The following GRK5 variants were observed in gnomAD, a reference collection of about 807,000 sequenced individuals.
The protein encoded by GRK5 is g protein-coupled receptor kinase GRK5.
Under a neutral mutation model 78.4 loss-of-function variants are expected in GRK5, and 40 were observed. The observed-to-expected ratio is 0.51, with a 90% CI of 0.40 to 0.66. The LOEUF is 0.66. GRK5 is among the 30% of genes least tolerant of loss of function. The probability of loss-of-function intolerance (pLI) is 0.00; values close to 1 mark genes in which losing one functional copy is unlikely to be tolerated. For missense variants in GRK5, 598 were observed against 759.9 expected (o/e 0.79, Z 2.50); for synonymous variants, 289 against 296.8 (o/e 0.97, Z 0.27).
At chr10:119,338,890 T>C (rs532501945) in intron 2 of GRK5, among the ~76,000 whole-genome samples, 1 of 152,308 alleles carries the variant, frequency 6.6e-6, no homozygotes, top group South Asian at 2.1e-4. Context: ...ACTATTTGGG[T>C]TTTTTCCACC....
At chr10:119,428,106 C>A (rs571908124) in intron 6 of GRK5, among the ~76,000 whole-genome samples, 63 of 152,370 alleles carry the variant, frequency 4.1e-4, no homozygotes, top group African/African-American at 1.4e-3. Context: ...GAGCTGTGTT[C>A]GCCATGCCCA....
intron 2 of GRK5, chr10:119,333,881 T>C (rs773884450): frequency 1.9e-6 from 1 of 528,482 alleles, no homozygotes; most frequent in Non-Finnish European, 3.9e-6. Context: ...ATGGAGCAGG[T>C]TGCTGAGCTG....
chr10:119,408,644 G>T (rs1352220229), intron 4 of GRK5, among the ~76,000 whole-genome samples: 1 of 152,160 alleles, frequency 6.6e-6, no homozygotes, highest in African/African-American at 2.4e-5. Context: ...ATCTAGAATA[G>T]ACAAATCCAT....
At chr10:119,322,437 G>A (rs1370874328) in intron 1 of GRK5, among the ~76,000 whole-genome samples, 1 of 152,230 alleles carries the variant, frequency 6.6e-6, no homozygotes, top group Non-Finnish European at 1.5e-5. Context: ...CGTCGCTGGG[G>A]TTGGGAACCA....
At chr10:119,420,049 C>T (rs1182288729) in intron 4 of GRK5, among the ~76,000 whole-genome samples, 1 of 152,178 alleles carries the variant, frequency 6.6e-6, no homozygotes, top group Non-Finnish European at 1.5e-5. Context: ...TCATTAGACA[C>T]CCAACCTAGG....
intron 6 of GRK5, among the ~76,000 whole-genome samples, chr10:119,428,154 C>G (rs556237931): frequency 6.6e-6 from 1 of 152,374 alleles, no homozygotes; most frequent in East Asian, 1.9e-4. Flanking sequence ...CAACACACAA[C>G]CCCAATCTGT....
In GRK5 at chr10:119,431,274, G is replaced by A. The variant is rs563573679; in HGVS notation, c.598-113G>A. The A allele has an allele frequency of 1.9e-4, 240 of 1,266,878 alleles. No homozygotes were observed. The highest frequency in any genetic ancestry group is 2.2e-4 in the Non-Finnish European group (202 of 930,098). The allele number at this position is 1,266,878 out of a possible 1,614,324, so 78.5% of individuals were successfully genotyped here. ...AGCACTCATGAAGCCAGGCAGGGCC[G>A]GCTCTGACCCCATCCATTCTCTACC... On this transcript the variant is annotated intron_variant, in intron 7 of 15. Transcript: ENST00000392870. This position sits in a 1 kb window ranked among gnomAD's most constrained non-coding sequence, Gnocchi z 4.8.
chr10:119,252,148 G>T (rs1849214821), intron 1 of GRK5, among the ~76,000 whole-genome samples: 1 of 152,202 alleles, frequency 6.6e-6, no homozygotes. Flanking sequence ...GGGCAGCTGT[G>T]TGAGTAGCAG....
chr10:119,223,456 G>T (rs1848688403), intron 1 of GRK5, among the ~76,000 whole-genome samples: 1 of 152,094 alleles, frequency 6.6e-6, no homozygotes, highest in African/African-American at 2.4e-5. Context: ...AAAACAGGAG[G>T]TTCTGAGGAT....
rs1852372033 is a variant in GRK5, at chr10:119,412,834, C to G, written c.340-10332C>G. ...CCAGGGTTTAGGGTTGGAACAGCCC[C>G]CATTCGCCCCACCACCCTCTGCTTT... On this transcript the variant is annotated intron_variant, in intron 4 of 15. Transcript: ENST00000392870. The surrounding 1 kb of genome is among the most constrained non-coding windows in gnomAD (Gnocchi z 4.3). Among the ~76,000 whole-genome samples the G allele has an allele frequency of 6.6e-6, 1 of 152,138 alleles. No homozygotes were observed. The highest frequency in any genetic ancestry group is 2.4e-5 in the African/African-American group (1 of 41,424).
chr10:119,329,549 G>T (rs1850732406), intron 2 of GRK5, among the ~76,000 whole-genome samples: 1 of 152,106 alleles, frequency 6.6e-6, no homozygotes, highest in Non-Finnish European at 1.5e-5. Flanking sequence ...TGACCAACAT[G>T]GAGAAGCCCC....
At chr10:119,422,551 T>C (rs1038320322) in intron 4 of GRK5, among the ~76,000 whole-genome samples, 1 of 152,202 alleles carries the variant, frequency 6.6e-6, no homozygotes, top group African/African-American at 2.4e-5. Flanking sequence ...TCCGGGGCTA[T>C]AGCTCCCCTC....
intron 1 of GRK5, among the ~76,000 whole-genome samples, chr10:119,277,428 C>T (rs1483583850): frequency 1.3e-5 from 2 of 152,150 alleles, no homozygotes; most frequent in Non-Finnish European, 2.9e-5. Flanking sequence ...TCTCTGCATG[C>T]ATTCTGTACC....
chr10:119,330,003 C>T (rs1364916643), intron 2 of GRK5, among the ~76,000 whole-genome samples: 2 of 151,432 alleles, frequency 1.3e-5, no homozygotes, highest in Non-Finnish European at 2.9e-5. Flanking sequence ...GCTGGGATTA[C>T]AGGTACCTGC....
chr10:119,412,142 C>T lies in GRK5; in HGVS notation c.340-11024C>T, dbSNP rs904324682. Reference sequence around the variant, plus strand: ...CTGGGATTCCAGGCGTGAGCCACTGCGCCCGGCCTCAGATCCGCTTCTGAT... The same window carrying T: ...CTGGGATTCCAGGCGTGAGCCACTGTGCCCGGCCTCAGATCCGCTTCTGAT... On this transcript the variant is annotated intron_variant, in intron 4 of 15. Transcript: ENST00000392870. The surrounding 1 kb of genome is among the most constrained non-coding windows in gnomAD (Gnocchi z 4.3). Among the ~76,000 whole-genome samples, 12 of 152,106 alleles carry T rather than the reference C, an allele frequency of 7.9e-5. No homozygotes were observed. Among genetic ancestry groups the T allele is most frequent in the East Asian group, 3.9e-4 (2 of 5,190 alleles).
At chr10:119,400,947 G>A (rs780387102) in intron 4 of GRK5, among the ~76,000 whole-genome samples, 4 of 152,192 alleles carry the variant, frequency 2.6e-5, no homozygotes, top group Non-Finnish European at 4.4e-5. Context: ...CAGGATGAGG[G>A]CCGTGGGAAG....
chr10:119,409,033 G>A (rs1852289253), intron 4 of GRK5, among the ~76,000 whole-genome samples: 1 of 152,200 alleles, frequency 6.6e-6, no homozygotes, highest in Non-Finnish European at 1.5e-5. Flanking sequence ...CAAGCAGCAA[G>A]GCCGGGGAAT....
rs2133871653 is a variant in GRK5 at position 119,412,562 on chromosome 10, T to C, written c.340-10604T>C. On this transcript the variant is annotated intron_variant, in intron 4 of 15. Transcript: ENST00000392870. This position sits in a 1 kb window ranked among gnomAD's most constrained non-coding sequence, Gnocchi z 4.3. ...CTTTGGTCTGTTCTTGTCTGGGGCT[T>C]GTGGATCACGTCTCCTGCCTGGCCA... 6.6e-6 allele frequency among the ~76,000 whole-genome samples: 1 copy of C among 152,310 alleles called. No homozygotes were observed. The highest frequency in any genetic ancestry group is 2.1e-4 in the South Asian group (1 of 4,824).
rs149470198 is a variant in GRK5 at position 119,327,681 on chromosome 10, A to T, written c.148+1070A>T. On this transcript the variant is annotated intron_variant, in intron 2 of 15. Transcript: ENST00000392870. ...CCCACCAGTTTCCAGGGCCGGGGGG[A>T]CTTACCTGCCACCCCCAGGCTTGCT... is the stretch of plus-strand genomic sequence containing the variant. Among the ~76,000 whole-genome samples the T allele has an allele frequency of 2.6e-3, 391 of 151,854 alleles. 4 individuals carry two copies. Among genetic ancestry groups the T allele is most frequent in the African/African-American group, 9.0e-3 (372 of 41,414 alleles).
Sources: allele counts gnomAD v4.1 joint callset (sites outside exome capture counted in the v4.1 genomes callset), GRCh38; gene constraint gnomAD v4.1.1; non-coding constraint Gnocchi (gnomAD v3.1); transcripts MANE v1.5; gene names NCBI Gene and HGNC (gene_info 2026-07-23, HGNC 2026-07-21).